VAV3: variants seen among roughly 807,000 people sequenced by gnomAD.
VAV3 encodes the protein guanine nucleotide exchange factor VAV3.
Under a neutral mutation model 131.2 loss-of-function variants are expected in VAV3, and 94 were observed. The ratio of observed to expected loss-of-function variants is 0.72; its 90% CI spans 0.61 to 0.85. The LOEUF (loss-of-function observed/expected upper bound fraction) is 0.85. VAV3 is among the 40% of genes least tolerant of loss of function. The pLI, the probability that VAV3 is intolerant of heterozygous loss-of-function variation, is 0.00. For missense variants in VAV3, 939 were observed against 1,002.7 expected, an observed-to-expected ratio of 0.94 and a Z score of 0.86; for synonymous variants, 349 against 342.0, an observed-to-expected ratio of 1.02 and a Z score of -0.22.
chr1:107,952,727 T>C (rs1273789791), intron 1 of VAV3, among the ~76,000 whole-genome samples: 1 of 152,032 alleles, frequency 6.6e-6, no homozygotes, highest in Non-Finnish European at 1.5e-5. Flanking sequence ...AAACCCGTAC[T>C]GTATAGACTA....
chr1:107,684,924 T>C (rs1348534748), intron 18 of VAV3, among the ~76,000 whole-genome samples: 1 of 152,186 alleles, frequency 6.6e-6, no homozygotes, highest in Non-Finnish European at 1.5e-5. Context: ...ACAACACAAT[T>C]GACAGTATTT....
intron 15 of VAV3, among the ~76,000 whole-genome samples, chr1:107,713,386 T>A (rs1318055769): frequency 6.6e-6 from 1 of 151,356 alleles, no homozygotes; most frequent in Non-Finnish European, 1.5e-5. Context: ...ACATAAAAAA[T>A]TAGAGAAAGC....
intron 2 of VAV3, among the ~76,000 whole-genome samples, chr1:107,861,226 C>G (rs1284754300): frequency 6.6e-6 from 1 of 151,618 alleles, no homozygotes; most frequent in East Asian, 1.9e-4. Context: ...TTTGGAGAAT[C>G]TTGGGTGCAG....
At chr1:107,734,026 G>T (rs997399328) in intron 15 of VAV3, among the ~76,000 whole-genome samples, 5 of 152,216 alleles carry the variant, frequency 3.3e-5, no homozygotes, top group Admixed American at 6.5e-5. Context: ...CAGAAACTCT[G>T]CAAGCCAGAA....
intron 19 of VAV3, among the ~76,000 whole-genome samples, chr1:107,681,325 A>G (rs1314128297): frequency 1.3e-5 from 2 of 152,092 alleles, no homozygotes; most frequent in African/African-American, 2.4e-5. Context: ...ACGCAGACTC[A>G]ACTTTACTGA....
At chr1:107,794,416 T>A (rs1196206746) in intron 2 of VAV3, among the ~76,000 whole-genome samples, 1 of 152,242 alleles carries the variant, frequency 6.6e-6, no homozygotes, top group Non-Finnish European at 1.5e-5. Context: ...TATGATACAT[T>A]TTTTCCTTTT....
intron 2 of VAV3, among the ~76,000 whole-genome samples, chr1:107,832,505 C>T (rs1305911994): frequency 6.6e-6 from 1 of 152,202 alleles, no homozygotes; most frequent in Non-Finnish European, 1.5e-5. Context: ...TCTATTTCTT[C>T]ATGGCAGCAT....
At chr1:107,609,837 AATG>A in intron 22 of VAV3, 91 bp downstream of exon 22, 1 of 1,261,792 alleles carries the variant, frequency 7.9e-7, no homozygotes, top group Non-Finnish European at 1.1e-6. Context: ...GACAAATGGA[AATG>A]GAATATGGTT....
At chr1:107,867,663 T>C (rs1435976296) in intron 2 of VAV3, among the ~76,000 whole-genome samples, 2 of 152,208 alleles carry the variant, frequency 1.3e-5, no homozygotes, top group African/African-American at 4.8e-5. Context: ...GCAAGCCTCC[T>C]ACTGCTCAGG....
Position 107,933,975 on chromosome 1 carries a change from C to T in VAV3, c.204+30691G>A, listed in dbSNP as rs1240442683. ...CAGGAGCTTGGCTCACAATAGTGAT[C>T]AGACCAAAAGATGAAAGCACTACCA... On this transcript the variant is annotated intron_variant, in intron 1 of 26. Transcript: ENST00000370056. Among the ~76,000 whole-genome samples the T allele has an allele frequency of 2.6e-5, 4 of 152,132 alleles. No homozygotes were observed. In the East Asian group the frequency reaches 5.8e-4, roughly 22 times the overall value.
At chr1:107,936,409 A>C (rs1673712289) in intron 1 of VAV3, among the ~76,000 whole-genome samples, 1 of 152,174 alleles carries the variant, frequency 6.6e-6, no homozygotes, top group Non-Finnish European at 1.5e-5. Context: ...TCTGGGTCTG[A>C]TTTTTAGATT....
At chr1:107,896,234 G>T (rs527575076) in intron 1 of VAV3, among the ~76,000 whole-genome samples, 3 of 152,270 alleles carry the variant, frequency 2.0e-5, no homozygotes, top group East Asian at 1.9e-4. Context: ...ATGTTAAAAA[G>T]AAATCAATTG....
At chr1:107,860,565 A>C (rs1222829113) in intron 2 of VAV3, among the ~76,000 whole-genome samples, 1 of 151,536 alleles carries the variant, frequency 6.6e-6, no homozygotes, top group African/African-American at 2.4e-5. Flanking sequence ...TGGTATGATG[A>C]TAGTGTCCCT....
intron 1 of VAV3, among the ~76,000 whole-genome samples, chr1:107,914,794 G>A (rs1056572857): frequency 3.9e-5 from 6 of 152,226 alleles, no homozygotes; most frequent in Admixed American, 1.3e-4. Context: ...AATACTGTGG[G>A]AGACAGAAAA....
intron 15 of VAV3, among the ~76,000 whole-genome samples, chr1:107,706,272 A>G (rs1374272635): frequency 1.3e-5 from 2 of 152,192 alleles, no homozygotes; most frequent in Admixed American, 6.5e-5. Context: ...GAAATGAAGC[A>G]TAACACAGGC....
intron 2 of VAV3, among the ~76,000 whole-genome samples, chr1:107,794,406 T>A (rs570753422): frequency 6.6e-6 from 1 of 152,260 alleles, no homozygotes; most frequent in African/African-American, 2.4e-5. Context: ...TATGTCTGAT[T>A]ATGATACATT....
At chr1:107,879,195 T>C (rs948345326) in intron 1 of VAV3, among the ~76,000 whole-genome samples, 1 of 152,204 alleles carries the variant, frequency 6.6e-6, no homozygotes, top group Non-Finnish European at 1.5e-5. Context: ...GCTGTAGCTC[T>C]GGAATCAGCC....
At chr1:107,617,663 G>A (rs766964136) in intron 20 of VAV3, 31 bp from the exon 21 acceptor site, 1 of 1,600,542 alleles carries the variant, frequency 6.2e-7, no homozygotes, top group Non-Finnish European at 8.5e-7. Context: ...CCAGTGTTGA[G>A]AACAAATTTA....
At chr1:107,724,626 TG>T (rs1661716995) in intron 15 of VAV3, among the ~76,000 whole-genome samples, 1 of 151,956 alleles carries the variant, frequency 6.6e-6, no homozygotes, top group South Asian at 2.1e-4. Flanking sequence ...CAGTATAGGA[TG>T]GGGGGTGGCA....
Sources: allele counts gnomAD v4.1 joint callset (sites outside exome capture counted in the v4.1 genomes callset), GRCh38; gene constraint gnomAD v4.1.1; transcripts MANE v1.5; gene names NCBI Gene and HGNC (gene_info 2026-07-23, HGNC 2026-07-21).